Variants in GPSM2 observed in about 807,000 individuals in gnomAD.
GPSM2 encodes G protein signaling modulator 2, also known as G protein-signaling modulator 2.
Under a neutral mutation model 78.4 loss-of-function variants are expected in GPSM2, and 58 were observed. The observed-to-expected ratio is 0.74, with a 90% CI of 0.60 to 0.92. GPSM2 has a LOEUF of 0.92. Among genes scored for constraint, GPSM2 ranks in the 40% least tolerant of loss-of-function variants. The pLI is 0.00. For synonymous variants in GPSM2, 224 were observed against 280.2 expected (o/e 0.80, Z 2.00); for missense variants, 700 against 815.5 (o/e 0.86, Z 1.73).
At chr1:108,906,682 A>T (rs575750139) in intron 10 of GPSM2, among the ~76,000 whole-genome samples, 38 of 151,952 alleles carry the variant, frequency 2.5e-4, no homozygotes, top group Non-Finnish European at 4.1e-4. Flanking sequence ...GTTCGAGACC[A>T]GCCTGGCCAA....
At position 108,877,845 on chromosome 1, in the gene GPSM2, C is replaced by T. The variant is rs541094492; in HGVS notation, c.-249+617C>T. 7 of 152,236 alleles carry T rather than the reference C, an allele frequency of 4.6e-5. No homozygotes were observed. In the South Asian group the frequency reaches 1.4e-3, roughly 32 times the overall value. 9.4% of individuals were successfully genotyped at this position (152,236 alleles called of 1,614,324 possible). On this transcript the variant is annotated intron_variant, in intron 1 of 14. Coordinates refer to ENST00000264126, the MANE Select transcript of GPSM2 (RefSeq NM_013296.5). Reference sequence around the variant, plus strand: ...AGAATACCTTCGAATAAAAAAAAATCTGTAATTTCCTTGTTTTAATAGTAA... The same window carrying T: ...AGAATACCTTCGAATAAAAAAAAATTTGTAATTTCCTTGTTTTAATAGTAA...
intron 13 of GPSM2, 44 bp downstream of exon 13, chr1:108,922,620 G>C (rs1330625313): frequency 2.1e-6 from 3 of 1,462,748 alleles, no homozygotes; most frequent in Non-Finnish European, 1.9e-6. Context: ...AGTTCTCTTT[G>C]ATATTCTTGT....
chr1:108,905,406 C>T (rs1328262620), intron 10 of GPSM2, among the ~76,000 whole-genome samples: 1 of 152,166 alleles, frequency 6.6e-6, no homozygotes, highest in Non-Finnish European at 1.5e-5. Context: ...TGGGCTTTGC[C>T]CTCACCATGT....
intron 1 of GPSM2, among the ~76,000 whole-genome samples, chr1:108,884,845 A>G (rs887520909): frequency 6.6e-6 from 1 of 152,224 alleles, no homozygotes; most frequent in East Asian, 1.9e-4. Context: ...AATGAATCCA[A>G]CTATAACCGA....
At chr1:108,916,220 C>G (rs1038048443) in intron 11 of GPSM2, among the ~76,000 whole-genome samples, 2 of 151,106 alleles carry the variant, frequency 1.3e-5, no homozygotes, top group African/African-American at 4.9e-5. Context: ...GATTGTGGCA[C>G]TGCACTCTAG....
In GPSM2 at chr1:108,904,159, T is replaced by G; in HGVS notation, c.1097T>G (p.Leu366Arg). 4 of 1,600,796 alleles carry G rather than the reference T, an allele frequency of 2.5e-6. No homozygotes were observed. Among genetic ancestry groups the G allele is most frequent in the Non-Finnish European group, 2.6e-6 (3 of 1,168,506 alleles). Residue 366 changes from leucine (L) to arginine (R), a missense_variant, in exon 10 of 15, where the codon CTT (leucine) becomes CGT (arginine). Transcript: ENST00000264126. ...GDKSGELTARLNLSDLQMVLG... is the reference protein window; with the variant it reads ...GDKSGELTARRNLSDLQMVLG... ...AAAAGTGGTGAACTAACAGCACGACTTAATCTCTCAGACCTTCAAATGGTT... is the reference window on the plus strand; with the variant it reads ...AAAAGTGGTGAACTAACAGCACGACGTAATCTCTCAGACCTTCAAATGGTT...
intron 14 of GPSM2, chr1:108,926,128 G>C (rs1193461919): frequency 6.6e-6 from 1 of 152,184 alleles, no homozygotes; most frequent in African/African-American, 2.4e-5. Context: ...AAACTAGGGG[G>C]AAAGTATTAA....
chr1:108,899,948 A>G (rs1648657846), intron 7 of GPSM2, among the ~76,000 whole-genome samples: 1 of 152,222 alleles, frequency 6.6e-6, no homozygotes. Context: ...CAAATAAAAT[A>G]TATCACTGTG....
At chr1:108,883,688 CTAATG>C (rs887776759) in intron 1 of GPSM2, among the ~76,000 whole-genome samples, 3 of 152,154 alleles carry the variant, frequency 2.0e-5, no homozygotes, top group African/African-American at 7.2e-5. Flanking sequence ...GTAGCTCTCT[CTAATG>C]TATCGGTATG....
In GPSM2 at chr1:108,924,198, T is replaced by G; in HGVS notation, c.1799T>G (p.Ile600Ser). The G allele has an allele frequency of 6.2e-7, 1 of 1,610,696 alleles. No individual in the cohort carries two copies. The highest frequency in any genetic ancestry group is 8.5e-7 in the Non-Finnish European group (1 of 1,176,890). The change falls in exon 14 of 15, where the codon ATC becomes AGC. Residue 600 changes from isoleucine (I) to serine (S), a missense_variant. Transcript: ENST00000264126. Reference protein sequence around the residue: ...NKEADEDFFDILVKCQGSRLD... With the variant: ...NKEADEDFFDSLVKCQGSRLD... ...GAGGCTGATGAAGATTTCTTTGACATCCTTGTAAAATGTCAAGTATGTCTG... is the reference window on the plus strand; with the variant it reads ...GAGGCTGATGAAGATTTCTTTGACAGCCTTGTAAAATGTCAAGTATGTCTG...
intron 10 of GPSM2, among the ~76,000 whole-genome samples, chr1:108,914,062 G>A (rs1363805273): frequency 6.6e-6 from 1 of 152,176 alleles, no homozygotes; most frequent in Non-Finnish European, 1.5e-5. Context: ...GTTATAAAAT[G>A]CCTTTTTCAA....
At chr1:108,888,615 CA>C (rs1647748868) in intron 2 of GPSM2, among the ~76,000 whole-genome samples, 1 of 152,232 alleles carries the variant, frequency 6.6e-6, no homozygotes, top group Non-Finnish European at 1.5e-5. Flanking sequence ...GCTGGGATTA[CA>C]GGAATGAGCT....
intron 11 of GPSM2, among the ~76,000 whole-genome samples, chr1:108,914,726 T>C (rs554042870): frequency 1.2e-4 from 18 of 152,340 alleles, no homozygotes; most frequent in Non-Finnish European, 2.2e-4. Context: ...AAATACTTTA[T>C]ATACCAGTTT....
At chr1:108,890,300 G>T (rs1180890225) in intron 2 of GPSM2, among the ~76,000 whole-genome samples, 1 of 152,212 alleles carries the variant, frequency 6.6e-6, no homozygotes, top group Admixed American at 6.5e-5. Context: ...AATGGAATAT[G>T]AACGTAATAA....
At chr1:108,888,301 C>T (rs1376772759) in intron 2 of GPSM2, among the ~76,000 whole-genome samples, 1 of 152,240 alleles carries the variant, frequency 6.6e-6, no homozygotes. Flanking sequence ...ATCCACCCGC[C>T]TCGGCCTCCC....
At chr1:108,913,731 G>T (rs1368838380) in intron 10 of GPSM2, among the ~76,000 whole-genome samples, 1 of 152,010 alleles carries the variant, frequency 6.6e-6, no homozygotes, top group African/African-American at 2.4e-5. Flanking sequence ...CTGGGTATTA[G>T]GTATTTCTTA....
chr1:108,890,457 A>G (rs1341211230), intron 2 of GPSM2, among the ~76,000 whole-genome samples: 1 of 152,214 alleles, frequency 6.6e-6, no homozygotes, highest in Non-Finnish European at 1.5e-5. Flanking sequence ...TAGATCAAAC[A>G]TGGTTGCACT....
intron 10 of GPSM2, among the ~76,000 whole-genome samples, chr1:108,908,707 C>T (rs1481530650): frequency 1.0e-5 from 1 of 98,536 alleles, no homozygotes; most frequent in Non-Finnish European, 2.0e-5. Flanking sequence ...AGCCGACAGC[C>T]AGACTCCATC....
chr1:108,914,500 G>A (rs1650027325), intron 11 of GPSM2, 92 bp downstream of exon 11: 1 of 929,706 alleles, frequency 1.1e-6, no homozygotes, highest in African/African-American at 1.7e-5. Context: ...AATAAGGCTT[G>A]CCCTATATAG....
Sources: allele counts gnomAD v4.1 joint callset (sites outside exome capture counted in the v4.1 genomes callset), GRCh38; gene constraint gnomAD v4.1.1; transcripts MANE v1.5; gene names NCBI Gene and HGNC (gene_info 2026-07-23, HGNC 2026-07-21).